Variants in SLC4A4 observed in about 807,000 individuals in gnomAD.
SLC4A4 encodes solute carrier family 4 member 4, also known as electrogenic sodium bicarbonate cotransporter 1.
A neutral mutation model predicts 111.5 loss-of-function variants in SLC4A4; 27 were observed. That is an observed-to-expected ratio of 0.24 (90% confidence interval 0.18 to 0.33). SLC4A4 has a LOEUF of 0.33. SLC4A4 is among the 10% of genes least tolerant of loss of function. The pLI, the probability that SLC4A4 is intolerant of heterozygous loss-of-function variation, is 1.00. For missense variants in SLC4A4, 909 were observed against 1,315.5 expected, an observed-to-expected ratio of 0.69 and a Z score of 4.78; for synonymous variants, 443 against 463.4, an observed-to-expected ratio of 0.96 and a Z score of 0.57.
In SLC4A4 at chr4:71,289,718, G is replaced by A. The variant is rs573496559; in HGVS notation, c.253+34319G>A. Reference sequence around the variant, plus strand: ...AAACAAATTGGCAGACAGAGATGAGGAAGAAAGATATATGTGAGGCCATAG... The same window carrying A: ...AAACAAATTGGCAGACAGAGATGAGAAAGAAAGATATATGTGAGGCCATAG... On this transcript the variant is annotated intron_variant, in intron 3 of 25. Transcript: ENST00000264485. 7.9e-5 allele frequency among the ~76,000 whole-genome samples: 12 copies of A among 152,306 alleles called. 1 individual carries two copies. The South Asian group carries it at 2.5e-3, about 32-fold the overall frequency.
intron 2 of SLC4A4, among the ~76,000 whole-genome samples, chr4:71,095,617 A>G (rs1167292521): frequency 1.3e-5 from 2 of 152,148 alleles, no homozygotes; most frequent in Non-Finnish European, 2.9e-5. Flanking sequence ...TCCCTCCTAT[A>G]ATTATTAATA....
intron 2 of SLC4A4, among the ~76,000 whole-genome samples, chr4:71,094,458 A>G (rs151212854): frequency 5.3e-5 from 8 of 152,368 alleles, no homozygotes; most frequent in African/African-American, 1.9e-4. Context: ...TGATACAGGA[A>G]AAATACTTTC....
At chr4:71,198,699 G>A (rs1036767381) in intron 1 of SLC4A4, among the ~76,000 whole-genome samples, 11 of 152,182 alleles carry the variant, frequency 7.2e-5, no homozygotes, top group African/African-American at 2.4e-4. Flanking sequence ...GGTGCCTCAT[G>A]CCTGTAATCC....
intron 2 of SLC4A4, among the ~76,000 whole-genome samples, chr4:71,155,913 T>C (rs1411253805): frequency 6.6e-6 from 1 of 152,192 alleles, no homozygotes; most frequent in African/African-American, 2.4e-5. Flanking sequence ...CTATTGCAAA[T>C]TTTGCCTTTC....
intron 12 of SLC4A4, among the ~76,000 whole-genome samples, chr4:71,463,796 T>C (rs1727063358): frequency 6.6e-6 from 1 of 152,148 alleles, no homozygotes; most frequent in South Asian, 2.1e-4. Context: ...AGATGGTGGA[T>C]AGCATGATGA....
chr4:71,420,476 A>G (rs1012376178), intron 7 of SLC4A4, among the ~76,000 whole-genome samples: 12 of 152,012 alleles, frequency 7.9e-5, no homozygotes, highest in African/African-American at 2.9e-4. Context: ...GATTCAGGAA[A>G]TACAGAGAAC....
At chr4:71,227,045 T>C (rs1184988491) in intron 1 of SLC4A4, among the ~76,000 whole-genome samples, 1 of 152,112 alleles carries the variant, frequency 6.6e-6, no homozygotes, top group Non-Finnish European at 1.5e-5. Flanking sequence ...TAAGTTATAA[T>C]GACAATGCAT....
At chr4:71,113,263 A>C (rs1256693195) in intron 2 of SLC4A4, among the ~76,000 whole-genome samples, 1 of 152,220 alleles carries the variant, frequency 6.6e-6, no homozygotes, top group East Asian at 1.9e-4. Context: ...CATTATCCAT[A>C]ATGGAAGTAC....
intron 2 of SLC4A4, among the ~76,000 whole-genome samples, chr4:71,142,925 GT>G (rs1193735953): frequency 4.6e-5 from 7 of 151,364 alleles, no homozygotes; most frequent in Non-Finnish European, 8.8e-5. Context: ...GAAGTACCTG[GT>G]TTTTCCATTT....
At chr4:71,132,916 G>A (rs1472519748) in intron 2 of SLC4A4, among the ~76,000 whole-genome samples, 1 of 152,246 alleles carries the variant, frequency 6.6e-6, no homozygotes, top group African/African-American at 2.4e-5. Flanking sequence ...GACAGAGACA[G>A]CTAAAGGCCA....
At chr4:71,317,623 A>G (rs562820294) in intron 3 of SLC4A4, among the ~76,000 whole-genome samples, 1 of 152,252 alleles carries the variant, frequency 6.6e-6, no homozygotes, top group East Asian at 1.9e-4. Flanking sequence ...CAAAGAGTTC[A>G]AACCAATGGC....
chr4:71,117,165 A>G (rs1258519684), intron 2 of SLC4A4, among the ~76,000 whole-genome samples: 1 of 152,014 alleles, frequency 6.6e-6, no homozygotes. Context: ...TCTTTAATTT[A>G]GGGAAAGAAT....
chr4:71,409,979 A>G (rs1721214434), intron 7 of SLC4A4, among the ~76,000 whole-genome samples: 1 of 152,206 alleles, frequency 6.6e-6, no homozygotes, highest in South Asian at 2.1e-4. Context: ...CAGCTTCCAC[A>G]TGGTGTTGAG....
At chr4:71,543,852 C>T (rs1735280756) in intron 18 of SLC4A4, among the ~76,000 whole-genome samples, 1 of 151,852 alleles carries the variant, frequency 6.6e-6, no homozygotes, top group African/African-American at 2.4e-5. Context: ...CCTTTTTTAC[C>T]TCCCCACAAA....
intron 16 of SLC4A4, among the ~76,000 whole-genome samples, chr4:71,507,651 T>A (rs1731539315): frequency 6.6e-6 from 1 of 152,162 alleles, no homozygotes; most frequent in Non-Finnish European, 1.5e-5. Flanking sequence ...GTGCAAGACT[T>A]TAATACCCCA....
At chr4:71,385,436 A>T (rs1469833605) in intron 6 of SLC4A4, among the ~76,000 whole-genome samples, 3 of 151,608 alleles carry the variant, frequency 2.0e-5, no homozygotes, top group African/African-American at 7.3e-5. Context: ...GACCTCAGGC[A>T]ATCCGCCCAC....
At chr4:71,114,522 G>A (rs1369642689) in intron 2 of SLC4A4, among the ~76,000 whole-genome samples, 14 of 150,040 alleles carry the variant, frequency 9.3e-5, no homozygotes, top group South Asian at 4.3e-4. Context: ...AAAAGTGGGC[G>A]AAGGACATGA....
intron 3 of SLC4A4, chr4:71,301,285 A>C: frequency 8.0e-6 from 2 of 251,176 alleles, no homozygotes. Flanking sequence ...ACCTCCCAGT[A>C]GGGAGGAGCC....
At chr4:71,215,454 A>C (rs1718372823) in intron 1 of SLC4A4, among the ~76,000 whole-genome samples, 2 of 152,190 alleles carry the variant, frequency 1.3e-5, no homozygotes, top group Non-Finnish European at 2.9e-5. Context: ...ATGCTCTTCC[A>C]CTGATCCTCC....
Sources: allele counts gnomAD v4.1 joint callset (sites outside exome capture counted in the v4.1 genomes callset), GRCh38; gene constraint gnomAD v4.1.1; transcripts MANE v1.5; gene names NCBI Gene and HGNC (gene_info 2026-07-23, HGNC 2026-07-21).